CYP4F12: variants seen among roughly 807,000 people sequenced by gnomAD.
CYP4F12 encodes the protein cytochrome P450 family 4 subfamily F member 12.
CYP4F12 carries 60 observed loss-of-function variants against 56.5 expected under a neutral mutation model. The ratio of observed to expected loss-of-function variants is 1.06; its 90% confidence interval spans 0.86 to 1.32. The LOEUF (loss-of-function observed/expected upper bound fraction) is 1.32, where lower values mean the gene tolerates loss of function less well. Among genes scored for constraint, CYP4F12 ranks in the 40% most tolerant of loss-of-function variants. The probability of loss-of-function intolerance (pLI) is 0.00; values close to 1 mark genes in which losing one functional copy is unlikely to be tolerated. For missense variants in CYP4F12, 711 were observed against 683.5 expected, an observed-to-expected ratio of 1.04 and a Z score of -0.45; for synonymous variants, 263 against 264.9, an observed-to-expected ratio of 0.99 and a Z score of 0.07.
At chr19:15,682,927 G>A (rs2007382876) in intron 6 of CYP4F12, among the ~76,000 whole-genome samples, 1 of 152,128 alleles carries the variant, frequency 6.6e-6, no homozygotes, top group Non-Finnish European at 1.5e-5. Context: ...CAGTAGAGAG[G>A]GGGTTCACCA....
chr19:15,684,751 A>G (rs1343233153), intron 7 of CYP4F12, 65 bp from the exon 8 acceptor site: 2 of 1,247,912 alleles, frequency 1.6e-6, no homozygotes, highest in African/African-American at 1.8e-5. Context: ...CAGAGATAGT[A>G]TAATTTGTGT....
rs11306327 is a variant in CYP4F12, at chr19:15,687,276, CAAAAAA to C, written c.1115+2090_1115+2095del. 6.3e-3 allele frequency among the ~76,000 whole-genome samples: 920 copies of C among 146,060 alleles called. 6 individuals carry two copies. Among genetic ancestry groups the C allele is most frequent in the African/African-American group, 0.021 (831 of 40,064 alleles). ...TGGGCAACAGAGTGAGACTCTTTCT[CAAAAAA>C]AAAAAAAAAAGAGCTTCCTTCTTAA... On this transcript the variant is annotated intron_variant, in intron 9 of 12. Transcript: ENST00000550308.
In CYP4F12 at chr19:15,696,454, C is replaced by T; in HGVS notation, c.1339C>T (p.Pro447Ser). The change falls in exon 12 of 13, where the codon CCA (proline) becomes TCA (serine). Residue 447 changes from proline to serine, a missense_variant. Pro to Ser is a moderately conservative substitution (Grantham distance 74). Transcript: ENST00000550308. ...PEVYDPFRFDPENSKGRSPLA... is the reference protein window; with the variant it reads ...PEVYDPFRFDSENSKGRSPLA... ...GGTCTACGACCCCTTCCGCTTTGACCCAGAGAACAGCAAGGGGAGGTCACC... is the reference window on the plus strand; with the variant it reads ...GGTCTACGACCCCTTCCGCTTTGACTCAGAGAACAGCAAGGGGAGGTCACC... 2.5e-6 allele frequency: 4 copies of T among 1,614,114 alleles called. No individual in the cohort carries two copies. The highest frequency in any genetic ancestry group is 1.1e-5 in the South Asian group (1 of 91,082).
chr19:15,697,161 C>G lies in CYP4F12; in HGVS notation c.*76C>G. 6.5e-7 allele frequency: 1 copy of G among 1,534,414 alleles called. No homozygotes were observed. Among genetic ancestry groups the G allele is most frequent in the Non-Finnish European group, 8.8e-7 (1 of 1,131,506 alleles). ...TGCTGTCACCTCTGCCTGGGCCTCACTGACAGCCTGCAGGGGGCTCTTGGG... is the reference window on the plus strand; with the variant it reads ...TGCTGTCACCTCTGCCTGGGCCTCAGTGACAGCCTGCAGGGGGCTCTTGGG... On this transcript the variant is annotated 3_prime_UTR_variant, in exon 13 of 13. Coordinates refer to ENST00000550308, the MANE Select transcript of CYP4F12 (RefSeq NM_023944.4).
chr19:15,695,843 G>T, intron 9 of CYP4F12, 93 bp from the exon 10 acceptor site: 1 of 1,494,310 alleles, frequency 6.7e-7, no homozygotes, highest in Non-Finnish European at 8.9e-7. Context: ...TTTATTTTGT[G>T]ATAGGGAGAA....
chr19:15,687,949 C>A (rs1017301855), intron 9 of CYP4F12, among the ~76,000 whole-genome samples: 1 of 152,046 alleles, frequency 6.6e-6, no homozygotes, highest in Non-Finnish European at 1.5e-5. Flanking sequence ...TTGATATAAC[C>A]TCGAGTGGGG....
At position 15,679,382 on chromosome 19, in the gene CYP4F12, T is replaced by C. The variant is rs535509410; in HGVS notation, c.344-862T>C. ...CACCATTTCTCTGCATCACTTTTTC[T>C]TTTAAGGCAGCCGTTCTCTTATCTG... On this transcript the variant is annotated intron_variant, in intron 3 of 12. Coordinates refer to ENST00000550308, the MANE Select transcript of CYP4F12 (RefSeq NM_023944.4). Among the ~76,000 whole-genome samples, 23 of 152,380 alleles carry C rather than the reference T, an allele frequency of 1.5e-4. No homozygotes were observed. The South Asian group carries it at 4.8e-3, about 32-fold the overall frequency.
chr19:15,678,559 T>C (rs2007113125), intron 3 of CYP4F12, 154 bp downstream of exon 3: 3 of 1,084,276 alleles, frequency 2.8e-6, no homozygotes, highest in South Asian at 3.1e-5. Flanking sequence ...TGTCTTGGTG[T>C]TCTGGGCACC....
At chr19:15,695,062 T>C (rs984197051) in intron 9 of CYP4F12, among the ~76,000 whole-genome samples, 116 of 152,188 alleles carry the variant, frequency 7.6e-4, no homozygotes, top group Admixed American at 3.1e-3. Flanking sequence ...TGTATGTTTA[T>C]TGCGGCACTA....
chr19:15,680,183 C>T (rs1031667479), intron 3 of CYP4F12, 61 bp from the exon 4 acceptor site: 5 of 1,547,716 alleles, frequency 3.2e-6, no homozygotes, highest in Non-Finnish European at 4.3e-6. Context: ...CAGCCTTGCC[C>T]TATACCTGAA....
chr19:15,682,407 G>A lies in CYP4F12; in HGVS notation c.544G>A (p.Ala182Thr), dbSNP rs543285365. 1.2e-6 allele frequency: 2 copies of A among 1,613,312 alleles called. No individual in the cohort carries two copies. Among genetic ancestry groups the A allele is most frequent in the East Asian group, 2.2e-5 (1 of 44,870 alleles). The change falls in exon 6 of 13, where the codon GCC (alanine) becomes ACC (threonine). Residue 182 changes from alanine to threonine, a missense_variant. Transcript: ENST00000550308. The stretch of plus-strand genomic sequence containing the variant: ...TGGCCAGGACAAGTGGCAGCACCTG[G>A]CCTCAGAGGGCAGCAGTCGTCTGGA... The part of the protein sequence containing the change: ...NIMLDKWQHL[A>T]SEGSSRLDMF...
rs1460376937 is a variant in CYP4F12, at chr19:15,680,251, T to G, written c.351T>G (p.Ile117Met). The change falls in exon 4 of 13, where the codon ATT becomes ATG. Residue 117 changes from isoleucine to methionine, a missense_variant. Ile to Met is a conservative substitution (Grantham distance 10). Coordinates refer to ENST00000550308, the MANE Select transcript of CYP4F12 (RefSeq NM_023944.4). ...IRSITNASAA[I>M]APKDNLFIRF... is the part of the protein sequence containing the mutation. ...GGTCCTCGTTCATGTCAGCTGCCAT[T>G]GCACCCAAGGATAATCTCTTCATCA... 6.2e-7 allele frequency: 1 copy of G among 1,603,232 alleles called. No homozygotes were observed. The highest frequency in any genetic ancestry group is 1.7e-5 in the Admixed American group (1 of 59,186).
chr19:15,688,384 C>A (rs2007721264), intron 9 of CYP4F12, among the ~76,000 whole-genome samples: 1 of 151,636 alleles, frequency 6.6e-6, no homozygotes, highest in Non-Finnish European at 1.5e-5. Context: ...AAAAAAATAC[C>A]TAGGAATATA....
intron 3 of CYP4F12, among the ~76,000 whole-genome samples, chr19:15,679,059 C>T (rs595772): frequency 0.94 from 143,039 of 152,268 alleles, 67,235 homozygotes; most frequent in East Asian, 1. Context: ...AGCTGCTTGA[C>T]CTCCCCTTGC....
In CYP4F12 at chr19:15,673,606, T is replaced by C; in HGVS notation, c.77T>C (p.Val26Ala). ...CCATGGCTACTCCTGCTGCTGGTTGTGGGCTCCTGGCTACTCGCCCGCATC... is the reference window on the plus strand; with the variant it reads ...CCATGGCTACTCCTGCTGCTGGTTGCGGGCTCCTGGCTACTCGCCCGCATC... Reference protein sequence around the residue: ...TSPWLLLLLVVGSWLLARILA... With the variant: ...TSPWLLLLLVAGSWLLARILA... Residue 26 changes from valine (V) to alanine (A), a missense_variant, in exon 2 of 13, where the codon GTG becomes GCG. Val to Ala is a moderately conservative substitution (Grantham distance 64, BLOSUM62 0). Transcript: ENST00000550308. 1 of 1,614,128 alleles carries C rather than the reference T, an allele frequency of 6.2e-7. No homozygotes were observed. The highest frequency in any genetic ancestry group is 8.5e-7 in the Non-Finnish European group (1 of 1,179,988).
intron 9 of CYP4F12, among the ~76,000 whole-genome samples, chr19:15,690,079 T>A (rs2007803851): frequency 6.6e-6 from 1 of 152,142 alleles, no homozygotes; most frequent in African/African-American, 2.4e-5. Flanking sequence ...ACCAAACCAC[T>A]TATATCCCAA....
At chr19:15,689,466 G>A (rs1352937011) in intron 9 of CYP4F12, among the ~76,000 whole-genome samples, 1 of 152,172 alleles carries the variant, frequency 6.6e-6, no homozygotes, top group Non-Finnish European at 1.5e-5. Flanking sequence ...AACAATAGAT[G>A]TATGTTGTGG....
At chr19:15,675,131 T>A (rs1314565322) in intron 2 of CYP4F12, among the ~76,000 whole-genome samples, 1 of 151,602 alleles carries the variant, frequency 6.6e-6, no homozygotes, top group Non-Finnish European at 1.5e-5. Flanking sequence ...GATGTCCCAG[T>A]GAGCCCTGTA....
chr19:15,687,263 T>C (rs113184592), intron 9 of CYP4F12, among the ~76,000 whole-genome samples: 43,833 of 139,678 alleles, frequency 0.31, 7,095 homozygotes, highest in African/African-American at 0.45. Context: ...GGCAACAGAG[T>C]GAGACTCTTT....
Sources: allele counts gnomAD v4.1 joint callset (sites outside exome capture counted in the v4.1 genomes callset), GRCh38; gene constraint gnomAD v4.1.1; transcripts MANE v1.5; gene names NCBI Gene and HGNC (gene_info 2026-07-23, HGNC 2026-07-21).